SNX29: variants seen among roughly 807,000 people sequenced by gnomAD.
The protein encoded by SNX29 is sorting nexin 29.
A neutral mutation model predicts 102.1 loss-of-function variants in SNX29; 78 were observed. The observed-to-expected ratio is 0.76, with a 90% CI of 0.64 to 0.92. SNX29 has a LOEUF of 0.92. Among genes scored for constraint, SNX29 ranks in the 40% least tolerant of loss-of-function variants. SNX29 has a pLI of 0.00. For missense variants in SNX29, 1,280 were observed against 1,061.7 expected (o/e 1.21, Z -2.86); for synonymous variants, 580 against 414.5 (o/e 1.40, Z -4.85).
intron 13 of SNX29, among the ~76,000 whole-genome samples, chr16:12,191,650 G>T (rs2076645625): frequency 6.6e-6 from 1 of 152,236 alleles, no homozygotes; most frequent in South Asian, 2.1e-4. Context: ...CTTAGAAAAG[G>T]TGGCGGGGTT....
At chr16:12,046,509 G>C (rs764995217) in intron 6 of SNX29, 55 bp downstream of exon 6, 25 of 1,572,568 alleles carry the variant, frequency 1.6e-5, no homozygotes, top group Non-Finnish European at 2.1e-5. Flanking sequence ...CAGAGGGGCT[G>C]CCTTGGGGCA....
At chr16:12,542,048 C>G (rs577688039) in intron 20 of SNX29, among the ~76,000 whole-genome samples, 1 of 152,048 alleles carries the variant, frequency 6.6e-6, no homozygotes, top group African/African-American at 2.4e-5. Flanking sequence ...ATTAGTTTGG[C>G]AAAGATATTC....
chr16:12,277,120 G>A (rs1386282564), intron 14 of SNX29, among the ~76,000 whole-genome samples: 2 of 152,168 alleles, frequency 1.3e-5, no homozygotes, highest in Non-Finnish European at 2.9e-5. Context: ...GAATGCAGTG[G>A]TTCACACCTG....
chr16:12,378,509 T>G (rs1040315348), intron 16 of SNX29, among the ~76,000 whole-genome samples: 6 of 151,918 alleles, frequency 3.9e-5, no homozygotes, highest in African/African-American at 1.2e-4. Context: ...ATTAGCCGGG[T>G]GTGGTGATGT....
chr16:12,442,327 T>C (rs1033737013), intron 18 of SNX29, among the ~76,000 whole-genome samples: 3 of 152,196 alleles, frequency 2.0e-5, no homozygotes, highest in African/African-American at 7.2e-5. Flanking sequence ...CTCTGGCTTA[T>C]TAGGACGTCT....
intron 18 of SNX29, among the ~76,000 whole-genome samples, chr16:12,408,555 C>T (rs2151534731): frequency 6.6e-6 from 1 of 152,306 alleles, no homozygotes; most frequent in South Asian, 2.1e-4. Flanking sequence ...GTGCAGTGGC[C>T]CATGCCTGTA....
intron 18 of SNX29, among the ~76,000 whole-genome samples, chr16:12,470,841 G>C (rs1389428328): frequency 6.6e-6 from 1 of 152,180 alleles, no homozygotes; most frequent in South Asian, 2.1e-4. Flanking sequence ...GGTGATAAGG[G>C]TTACAATATT....
rs147250706 is a variant in SNX29 at position 12,571,422 on chromosome 16, T to C, written c.*2793T>C. 108 of 233,852 alleles carry C rather than the reference T, an allele frequency of 4.6e-4. 1 individual carries two copies. Among genetic ancestry groups the C allele is most frequent in the African/African-American group, 2.1e-3 (96 of 45,346 alleles). The allele number at this position is 233,852 out of a possible 1,614,324, so 14.5% of individuals were successfully genotyped here. A position where few individuals can be genotyped will look rare whatever the true frequency, so the allele number is the denominator to read the frequency against. On this transcript the variant is annotated 3_prime_UTR_variant, in exon 21 of 21. Transcript: ENST00000566228. ...CTTGCACCTCACATCTGTCTTCTTCTAAGATTACTCGGAGATTTTCAAACA... is the reference window on the plus strand; with the variant it reads ...CTTGCACCTCACATCTGTCTTCTTCCAAGATTACTCGGAGATTTTCAAACA...
At chr16:12,028,911 G>A (rs1480153768) in intron 4 of SNX29, among the ~76,000 whole-genome samples, 1 of 151,702 alleles carries the variant, frequency 6.6e-6, no homozygotes, top group Non-Finnish European at 1.5e-5. Context: ...ACCATGCCTG[G>A]CTAGTTTTTG....
At chr16:12,114,909 C>T (rs180700941) in intron 11 of SNX29, among the ~76,000 whole-genome samples, 8 of 152,220 alleles carry the variant, frequency 5.3e-5, no homozygotes, top group Admixed American at 2.0e-4. Flanking sequence ...TGCTTCGTGG[C>T]GTGATTTGGA....
intron 16 of SNX29, among the ~76,000 whole-genome samples, chr16:12,371,270 C>T (rs2082672690): frequency 6.6e-6 from 1 of 152,062 alleles, no homozygotes. Flanking sequence ...TCCCTCCTCC[C>T]TCCCTCCCTT....
At chr16:12,496,392 C>G (rs1372750828) in intron 19 of SNX29, among the ~76,000 whole-genome samples, 1 of 152,050 alleles carries the variant, frequency 6.6e-6, no homozygotes, top group Non-Finnish European at 1.5e-5. Flanking sequence ...CTTTATCTCA[C>G]GCTTCCTCGT....
At chr16:12,255,149 G>T (rs1826705632) in intron 14 of SNX29, among the ~76,000 whole-genome samples, 1 of 152,006 alleles carries the variant, frequency 6.6e-6, no homozygotes, top group Non-Finnish European at 1.5e-5. Context: ...TTGGTGTTGA[G>T]ACCATTTAGG....
chr16:12,490,585 C>A (rs1487029648), intron 19 of SNX29, among the ~76,000 whole-genome samples: 1 of 152,182 alleles, frequency 6.6e-6, no homozygotes, highest in Non-Finnish European at 1.5e-5. Flanking sequence ...ACTTGCTGGT[C>A]ACAGGGTATG....
chr16:12,544,496 G>T (rs960869494), intron 20 of SNX29, among the ~76,000 whole-genome samples: 1 of 152,180 alleles, frequency 6.6e-6, no homozygotes, highest in East Asian at 1.9e-4. Context: ...GTCGGCTGGG[G>T]TCTAGATGGC....
At chr16:12,182,179 GCCCGGC>G (rs759510135) in intron 13 of SNX29, among the ~76,000 whole-genome samples, 25 of 139,260 alleles carry the variant, frequency 1.8e-4, no homozygotes, top group Admixed American at 6.2e-4. Context: ...GAGCCACTGT[GCCCGGC>G]CTAGTTTTTT....
At chr16:12,524,969 C>G (rs1235831904) in intron 20 of SNX29, 128 bp downstream of exon 20, 1 of 1,338,618 alleles carries the variant, frequency 7.5e-7, no homozygotes, top group Non-Finnish European at 1.0e-6. Flanking sequence ...AGGCGAACTC[C>G]AGGGGCTGTT....
At chr16:12,121,317 T>C (rs1043651272) in intron 11 of SNX29, among the ~76,000 whole-genome samples, 1 of 152,162 alleles carries the variant, frequency 6.6e-6, no homozygotes, top group African/African-American at 2.4e-5. Flanking sequence ...CCCATGCCAA[T>C]TTAGAACACA....
At chr16:12,539,934 T>G (rs1185123450) in intron 20 of SNX29, among the ~76,000 whole-genome samples, 1 of 152,238 alleles carries the variant, frequency 6.6e-6, no homozygotes, top group African/African-American at 2.4e-5. Context: ...TTGTATATGT[T>G]AGATGCAAGA....
Sources: gnomAD v4.1 joint callset for allele counts (sites outside exome capture counted in the v4.1 genomes callset) on GRCh38, gnomAD v4.1.1 for gene constraint, MANE v1.5 for transcripts, NCBI Gene and HGNC (gene_info 2026-07-23, HGNC 2026-07-21) for gene names.